GLB1: variants seen among roughly 807,000 people sequenced by gnomAD.
GLB1 encodes the protein beta-galactosidase.
A neutral mutation model predicts 74.0 loss-of-function variants in GLB1; 56 were observed. The observed-to-expected ratio is 0.76, with a 90% CI of 0.61 to 0.94. The LOEUF (loss-of-function observed/expected upper bound fraction) is 0.94. Among genes scored for constraint, GLB1 ranks in the 40% least tolerant of loss-of-function variants. The pLI is 0.00. For missense variants in GLB1, 787 were observed against 845.5 expected, an observed-to-expected ratio of 0.93 and a Z score of 0.86; for synonymous variants, 323 against 323.6, an observed-to-expected ratio of 1.00 and a Z score of 0.02.
At position 33,018,285 on chromosome 3, in the gene GLB1, C is replaced by CAAAAAAAAAA. The variant is rs57833238; in HGVS notation, c.1347+153_1347+162dup. ...TGGGCAACAGAGCAAAACCCTGTCT[C>CAAAAAAAAAA]AAAAAAAAAAAAAAAAAAAAAAAAA... is the stretch of plus-strand genomic sequence containing the variant. On this transcript the variant is annotated intron_variant, in intron 13 of 15. Transcript: ENST00000307363. 1.3e-3 allele frequency among the ~76,000 whole-genome samples: 53 copies of CAAAAAAAAAA among 41,992 alleles called. 7 individuals are homozygous for CAAAAAAAAAA. Among genetic ancestry groups the CAAAAAAAAAA allele is most frequent in the African/African-American group, 1.3e-3 (11 of 8,244 alleles). The allele number at this position is 41,992 out of a possible 152,430, so 27.5% of individuals were successfully genotyped here.
At chr3:33,043,346 G>C (rs1388868104) in intron 10 of GLB1, among the ~76,000 whole-genome samples, 1 of 152,150 alleles carries the variant, frequency 6.6e-6, no homozygotes, top group Non-Finnish European at 1.5e-5. Context: ...TTGTCACAGG[G>C]CTGCGCTCCC....
At chr3:33,035,764 A>G (rs746913894) in intron 10 of GLB1, among the ~76,000 whole-genome samples, 32 of 152,220 alleles carry the variant, frequency 2.1e-4, no homozygotes, top group Non-Finnish European at 5.9e-5. Flanking sequence ...ACTGACTAAG[A>G]CACTTGGAAT....
At chr3:33,045,756 C>T (rs997386023) in intron 10 of GLB1, 2 of 1,168,634 alleles carry the variant, frequency 1.7e-6, no homozygotes, top group African/African-American at 3.2e-5. Context: ...CATCACCCTA[C>T]CTCTCACCTG....
chr3:33,028,666 A>T (rs11924625), intron 10 of GLB1, among the ~76,000 whole-genome samples: 40,841 of 146,164 alleles, frequency 0.28, 6,972 homozygotes, highest in Middle Eastern at 0.46. Context: ...TTACCCAAAA[A>T]TTTTTTTTTT....
the GLB1 span, among the ~76,000 whole-genome samples, chr3:32,981,090 CAAAAAAAAAAAA>C: frequency 6.5e-5 from 3 of 46,288 alleles, no homozygotes; most frequent in South Asian, 1.3e-3. Context: ...GACTCCGTCT[CAAAAAAAAAAAA>C]AAAAAAAAAA....
intron 3 of GLB1, 125 bp downstream of exon 3, chr3:33,068,694 CT>C (rs1699784681): frequency 6.4e-7 from 1 of 1,556,900 alleles, no homozygotes; most frequent in Non-Finnish European, 8.7e-7. Context: ...TAAAAGACAC[CT>C]GTGCTGGGTA....
In GLB1 at chr3:33,097,013, G is replaced by A; in HGVS notation, c.73C>T (p.Arg25Cys). 2 of 1,611,612 alleles carry A rather than the reference G, an allele frequency of 1.2e-6. No homozygotes were observed. Among genetic ancestry groups the A allele is most frequent in the South Asian group, 1.1e-5 (1 of 90,758 alleles). Reference protein sequence around the residue: ...LLLLGPTRGLRNATQRMFEID... With the variant: ...LLLLGPTRGLCNATQRMFEID... ...GTACCCGGGTCCCGCAGACTTACGC[G>A]CAAGCCGCGCGTAGGGCCCAGAAGC... is the stretch of plus-strand genomic sequence containing the variant. Residue 25 changes from arginine to cysteine, a missense_variant and splice_region_variant, in exon 1 of 16, where the codon CGC becomes TGC. Coordinates refer to ENST00000307363, the MANE Select transcript of GLB1 (RefSeq NM_000404.4).
At chr3:32,977,164 G>A in the GLB1 span, among the ~76,000 whole-genome samples, 8 of 151,912 alleles carry the variant, frequency 5.3e-5, no homozygotes, top group East Asian at 1.6e-3. Context: ...CCTTCCAGGT[G>A]TTCACAGAAA....
chr3:32,986,380 A>G, the GLB1 span, among the ~76,000 whole-genome samples: 1 of 152,224 alleles, frequency 6.6e-6, no homozygotes, highest in Non-Finnish European at 1.5e-5. Context: ...CTTGTTATGT[A>G]ACATAACTTA....
chr3:33,096,579 A>AT, intron 1 of GLB1: 1 of 1,030,618 alleles, frequency 9.7e-7, no homozygotes, highest in East Asian at 1.1e-4. Context: ...TCCTGACCCC[A>AT]TTTTTCTCCT....
At chr3:33,062,946 C>T (rs548138622) in intron 5 of GLB1, among the ~76,000 whole-genome samples, 6 of 152,270 alleles carry the variant, frequency 3.9e-5, no homozygotes, top group African/African-American at 1.4e-4. Context: ...CAGGCAGAGG[C>T]GTGGAAGGCC....
intron 1 of GLB1, among the ~76,000 whole-genome samples, chr3:33,087,577 GCGCACACACACA>G (rs1343790042): frequency 1.0e-3 from 40 of 39,836 alleles, no homozygotes; most frequent in African/African-American, 2.8e-3. Context: ...CTCAGCATGC[GCGCACACACACA>G]CACACACACA....
At chr3:32,989,785 T>C in the GLB1 span, among the ~76,000 whole-genome samples, 1 of 152,112 alleles carries the variant, frequency 6.6e-6, no homozygotes, top group East Asian at 1.9e-4. Flanking sequence ...TGGGTGTGAG[T>C]TTCAGGCCCC....
intron 10 of GLB1, among the ~76,000 whole-genome samples, chr3:33,032,735 C>T (rs1263904683): frequency 6.6e-6 from 1 of 152,102 alleles, no homozygotes; most frequent in African/African-American, 2.4e-5. Flanking sequence ...AAATGTTTTT[C>T]AAATTGATTT....
At chr3:33,049,260 T>A (rs1698874297) in intron 9 of GLB1, among the ~76,000 whole-genome samples, 1 of 152,190 alleles carries the variant, frequency 6.6e-6, no homozygotes, top group African/African-American at 2.4e-5. Flanking sequence ...AGGGATTATC[T>A]AAAATATCAG....
chr3:33,040,446 A>T (rs529466152), intron 10 of GLB1, among the ~76,000 whole-genome samples: 15 of 152,132 alleles, frequency 9.9e-5, no homozygotes, highest in South Asian at 2.1e-4. Context: ...CTCTACAAAA[A>T]AAAAATAAAA....
At chr3:32,972,425 C>T in the GLB1 span, among the ~76,000 whole-genome samples, 1 of 152,150 alleles carries the variant, frequency 6.6e-6, no homozygotes, top group Admixed American at 6.5e-5. Flanking sequence ...GCCCATGTTC[C>T]AGTTCAGACT....
At chr3:32,962,901 T>TAA in the GLB1 span, among the ~76,000 whole-genome samples, 3 of 152,066 alleles carry the variant, frequency 2.0e-5, no homozygotes, top group Non-Finnish European at 1.5e-5. Context: ...ATGTTATTCT[T>TAA]CAAGACATAT....
At chr3:33,026,140 A>AGCTGCG in intron 10 of GLB1, among the ~76,000 whole-genome samples, 1 of 109,422 alleles carries the variant, frequency 9.1e-6, no homozygotes, top group Non-Finnish European at 2.4e-5. Flanking sequence ...CTGCAGCTGC[A>AGCTGCG]GACGGAAACA....
Sources: gnomAD v4.1 joint callset for allele counts (sites outside exome capture counted in the v4.1 genomes callset) on GRCh38, gnomAD v4.1.1 for gene constraint, MANE v1.5 for transcripts, NCBI Gene and HGNC (gene_info 2026-07-23, HGNC 2026-07-21) for gene names.